PRPF6: variants seen among roughly 807,000 people sequenced by gnomAD.
PRPF6 encodes the protein pre-mRNA processing factor 6, also known as pre-mRNA-processing factor 6.
In PRPF6, 42 loss-of-function variants were observed where a neutral mutation model predicts 118.3. The ratio of observed to expected loss-of-function variants is 0.35; its 90% CI spans 0.28 to 0.46. The LOEUF (loss-of-function observed/expected upper bound fraction) is 0.46. PRPF6 is among the 20% of genes least tolerant of loss of function. The pLI, the probability that PRPF6 is intolerant of heterozygous loss-of-function variation, is 1.00. For missense variants in PRPF6, 662 were observed against 1,255.7 expected, an observed-to-expected ratio of 0.53 and a Z score of 7.15; for synonymous variants, 481 against 485.1, an observed-to-expected ratio of 0.99 and a Z score of 0.11.
intron 3 of PRPF6, among the ~76,000 whole-genome samples, chr20:63,987,456 C>T (rs2059099726): frequency 6.6e-6 from 1 of 151,308 alleles, no homozygotes; most frequent in South Asian, 2.1e-4. Context: ...GCCTGGGCAA[C>T]ACAATGAGAC....
chr20:64,023,639 C>A (rs6122232), intron 13 of PRPF6, among the ~76,000 whole-genome samples: 10,070 of 152,248 alleles, frequency 0.066, 367 homozygotes, highest in East Asian at 0.16. Flanking sequence ...GAAGACCTGG[C>A]CCCCTCCCCA....
intron 3 of PRPF6, among the ~76,000 whole-genome samples, chr20:63,991,858 G>T (rs1421207109): frequency 6.6e-6 from 1 of 152,112 alleles, no homozygotes; most frequent in Non-Finnish European, 1.5e-5. Context: ...CAAACAAGTA[G>T]GAAGAACAGT....
At chr20:64,003,377 G>C (rs76995336) in intron 9 of PRPF6, among the ~76,000 whole-genome samples, 5,824 of 152,286 alleles carry the variant, frequency 0.038, 347 homozygotes, top group African/African-American at 0.13. Context: ...CTTCTGTGCT[G>C]ATAGGACCGT....
chr20:64,007,186 C>T (rs574620030), intron 9 of PRPF6, among the ~76,000 whole-genome samples: 1 of 152,354 alleles, frequency 6.6e-6, no homozygotes, highest in East Asian at 1.9e-4. Context: ...GCCACTGCTG[C>T]ATCTGCCCAA....
At chr20:63,981,538 T>A (rs191440546) in intron 1 of PRPF6, among the ~76,000 whole-genome samples, 11 of 152,146 alleles carry the variant, frequency 7.2e-5, no homozygotes, top group Non-Finnish European at 1.3e-4. Flanking sequence ...GCCCAGTGTT[T>A]TGGTCTGTAA....
chr20:63,993,774 C>T (rs1032253165), intron 4 of PRPF6, among the ~76,000 whole-genome samples: 20 of 149,984 alleles, frequency 1.3e-4, no homozygotes, highest in Admixed American at 3.3e-4. Context: ...TTTTTGGAGG[C>T]AGTCTGGCTC....
intron 11 of PRPF6, among the ~76,000 whole-genome samples, chr20:64,014,384 G>A (rs2059228258): frequency 6.6e-6 from 1 of 152,064 alleles, no homozygotes; most frequent in African/African-American, 2.4e-5. Context: ...GCTGGGTGCT[G>A]TGGCTCACAC....
At chr20:63,990,653 T>A (rs879770364) in intron 3 of PRPF6, among the ~76,000 whole-genome samples, 10 of 151,196 alleles carry the variant, frequency 6.6e-5, no homozygotes, top group Non-Finnish European at 1.5e-4. Context: ...TTTTTTCTTT[T>A]TTTTTTTTTG....
chr20:64,027,223 T>C lies in PRPF6; in HGVS notation c.2205+65T>C. ...GCATTCACAAAACTGAGCCCCCTGGTGCAGGGTCATTGCCCTTCGCCTCTG... is the reference window on the plus strand; with the variant it reads ...GCATTCACAAAACTGAGCCCCCTGGCGCAGGGTCATTGCCCTTCGCCTCTG... On this transcript the variant is annotated intron_variant, in intron 16 of 20. Transcript: ENST00000266079. This position sits in a 1 kb window ranked among gnomAD's most constrained non-coding sequence, Gnocchi z 6.5. 1.3e-6 allele frequency: 2 copies of C among 1,585,518 alleles called. No homozygotes were observed. Among genetic ancestry groups the C allele is most frequent in the Non-Finnish European group, 1.7e-6 (2 of 1,161,030 alleles).
intron 14 of PRPF6, among the ~76,000 whole-genome samples, chr20:64,025,216 G>A (rs1024275460): frequency 6.6e-6 from 1 of 152,150 alleles, no homozygotes; most frequent in Non-Finnish European, 1.5e-5. Context: ...GAGGGGACTG[G>A]CCTGGGTTTA....
In PRPF6 at chr20:64,027,161, A is replaced by G. The variant is rs372464535; in HGVS notation, c.2205+3A>G. The stretch of plus-strand genomic sequence containing the variant: ...CGCGGGAAGCCTATAACCAGGGGGT[A>G]CGTCTCTGCCTGCACCCTGGGGCTG... On this transcript the variant is annotated splice_donor_region_variant and intron_variant, in intron 16 of 20. Transcript: ENST00000266079. The surrounding 1 kb of genome is among the most constrained non-coding windows in gnomAD (Gnocchi z 6.5). The G allele has an allele frequency of 2.2e-5, 35 of 1,612,826 alleles. No individual in the cohort carries two copies. Among genetic ancestry groups the G allele is most frequent in the East Asian group, 6.7e-5 (3 of 44,894 alleles).
intron 3 of PRPF6, among the ~76,000 whole-genome samples, chr20:63,987,694 A>C (rs1365272180): frequency 6.6e-6 from 1 of 152,248 alleles, no homozygotes; most frequent in Non-Finnish European, 1.5e-5. Flanking sequence ...ATGATCTTAT[A>C]TTTAGAAAAC....
intron 9 of PRPF6, among the ~76,000 whole-genome samples, 153 bp from the exon 10 acceptor site, chr20:64,010,047 G>T (rs2059208933): frequency 6.6e-6 from 1 of 152,134 alleles, no homozygotes; most frequent in South Asian, 2.1e-4. Context: ...GTCTGCCCCA[G>T]ACCTGAAGGA....
At chr20:64,014,209 G>A (rs1397505592) in intron 11 of PRPF6, among the ~76,000 whole-genome samples, 1 of 151,882 alleles carries the variant, frequency 6.6e-6, no homozygotes, top group African/African-American at 2.4e-5. Flanking sequence ...CAGAGTGCTG[G>A]GATTACAAGC....
intron 3 of PRPF6, 81 bp from the exon 4 acceptor site, chr20:63,993,326 G>C: frequency 1.7e-5 from 16 of 920,220 alleles, no homozygotes; most frequent in Non-Finnish European, 2.8e-5. Context: ...GTTCTTTTTG[G>C]TGATTTAATT....
intron 3 of PRPF6, 64 bp from the exon 4 acceptor site, chr20:63,993,343 G>A: frequency 8.6e-7 from 1 of 1,162,666 alleles, no homozygotes; most frequent in South Asian, 1.2e-5. Flanking sequence ...AATTGAGATG[G>A]ATAATAAATT....
Position 63,990,148 on chromosome 20 carries a change from C to T in PRPF6, c.360-3259C>T, listed in dbSNP as rs576785059. Among the ~76,000 whole-genome samples the T allele has an allele frequency of 1.1e-3, 172 of 152,296 alleles. 1 individual carries two copies. The highest frequency in any genetic ancestry group is 3.9e-3 in the African/African-American group (161 of 41,566). ...GAATTACAGGTATGAGCCACCGTGC[C>T]CAGTCTTGCCACACACTTTAAACAA... On this transcript the variant is annotated intron_variant, in intron 3 of 20. Coordinates refer to ENST00000266079, the MANE Select transcript of PRPF6 (RefSeq NM_012469.4).
intron 6 of PRPF6, among the ~76,000 whole-genome samples, chr20:63,996,075 G>C (rs114805461): frequency 6.6e-6 from 1 of 152,198 alleles, no homozygotes; most frequent in African/African-American, 2.4e-5. Flanking sequence ...AGGTGCTCTA[G>C]ACACCAGTGA....
At chr20:64,008,355 C>T (rs1036328123) in intron 9 of PRPF6, among the ~76,000 whole-genome samples, 6 of 147,568 alleles carry the variant, frequency 4.1e-5, no homozygotes, top group African/African-American at 1.3e-4. Context: ...CCTGTATCCT[C>T]TGTTTCCTGT....
Sources: allele counts gnomAD v4.1 joint callset (sites outside exome capture counted in the v4.1 genomes callset), GRCh38; gene constraint gnomAD v4.1.1; non-coding constraint Gnocchi (gnomAD v3.1); transcripts MANE v1.5; gene names NCBI Gene and HGNC (gene_info 2026-07-23, HGNC 2026-07-21).